Variants in IQCM observed in about 807,000 individuals in gnomAD.
IQCM encodes IQ motif containing M, also known as IQ domain-containing protein M.
IQCM carries 45 observed loss-of-function variants against 57.6 expected under a neutral mutation model. The observed-to-expected ratio is 0.78, with a 90% confidence interval of 0.62 to 1.00. IQCM has a LOEUF of 1.00. Ranked by LOEUF, IQCM falls within the 50% of genes least tolerant of loss-of-function variation. The pLI, the probability that IQCM is intolerant of heterozygous loss-of-function variation, is 0.00. For synonymous variants in IQCM, 148 were observed against 158.9 expected (o/e 0.93, Z 0.51); for missense variants, 468 against 511.6 (o/e 0.91, Z 0.82).
At chr4:149,747,272 T>C (rs1172854157) in intron 2 of IQCM, among the ~76,000 whole-genome samples, 1 of 152,212 alleles carries the variant, frequency 6.6e-6, no homozygotes, top group Non-Finnish European at 1.5e-5. Context: ...TGCAAAGGTA[T>C]ACAGTCATTG....
At chr4:149,790,121 A>T in intron 2 of IQCM, 1 of 673,062 alleles carries the variant, frequency 1.5e-6, no homozygotes, top group African/African-American at 1.9e-5. Context: ...GCCCTTATTT[A>T]CTCTATGGCA....
intron 2 of IQCM, among the ~76,000 whole-genome samples, chr4:149,794,905 T>C (rs1044183964): frequency 6.6e-6 from 1 of 152,116 alleles, no homozygotes; most frequent in African/African-American, 2.4e-5. Context: ...TAAGTGAACA[T>C]ATATTCAACA....
chr4:149,612,188 T>C (rs951239468), intron 8 of IQCM, among the ~76,000 whole-genome samples: 3 of 151,992 alleles, frequency 2.0e-5, no homozygotes, highest in Non-Finnish European at 4.4e-5. Context: ...TCCATTCCCA[T>C]GACTCAATTA....
At chr4:149,689,063 A>T (rs1006701876) in intron 5 of IQCM, among the ~76,000 whole-genome samples, 6 of 152,024 alleles carry the variant, frequency 3.9e-5, no homozygotes, top group Admixed American at 3.9e-4. Flanking sequence ...ATAACCAAGA[A>T]CCCAAAAGCA....
In IQCM at chr4:149,393,205, T is replaced by C. The variant is rs1460157798; in HGVS notation, c.1390+40191A>G. Among the ~76,000 whole-genome samples the C allele has an allele frequency of 2.6e-5, 4 of 151,840 alleles. No individual in the cohort carries two copies. The East Asian group carries it at 7.8e-4, about 29-fold the overall frequency. ...TATATACGCATATATAAATAAATAATAAAATACTATTAAAATATCAGGCAA... is the reference window on the plus strand; with the variant it reads ...TATATACGCATATATAAATAAATAACAAAATACTATTAAAATATCAGGCAA... On this transcript the variant is annotated intron_variant, in intron 13 of 13. Coordinates refer to ENST00000636793, the MANE Select transcript of IQCM (RefSeq NM_001363507.2).
At chr4:149,634,629 A>G (rs929808033) in intron 7 of IQCM, among the ~76,000 whole-genome samples, 3 of 152,226 alleles carry the variant, frequency 2.0e-5, no homozygotes, top group African/African-American at 7.2e-5. Flanking sequence ...TCATTCTGCA[A>G]ACTTATAACA....
chr4:149,368,831 T>TGTATATATACAC (rs1730066333), intron 13 of IQCM, among the ~76,000 whole-genome samples: 1 of 43,802 alleles, frequency 2.3e-5, no homozygotes, highest in Non-Finnish European at 4.4e-5. Context: ...TATATATACA[T>TGTATATATACAC]GTATATATAT....
At chr4:149,393,042 G>A (rs1731973716) in intron 13 of IQCM, among the ~76,000 whole-genome samples, 1 of 151,852 alleles carries the variant, frequency 6.6e-6, no homozygotes, top group African/African-American at 2.4e-5. Context: ...GGGCACAGTG[G>A]CACATGCCTG....
At chr4:149,589,317 C>T (rs568191497) in intron 8 of IQCM, among the ~76,000 whole-genome samples, 1 of 152,050 alleles carries the variant, frequency 6.6e-6, no homozygotes, top group South Asian at 2.1e-4. Flanking sequence ...ATATGGTGTG[C>T]TCATGATACC....
Position 149,742,810 on chromosome 4 carries a change from C to T in IQCM, c.-48-71G>A. ...TTTTTAGCTATTTCTTTTGCTCACTCATAGGTAAATAGGGTGAATGATTAA... is the reference window on the plus strand; with the variant it reads ...TTTTTAGCTATTTCTTTTGCTCACTTATAGGTAAATAGGGTGAATGATTAA... On this transcript the variant is annotated intron_variant, in intron 2 of 13. Transcript: ENST00000636793. 2.9e-6 allele frequency: 2 copies of T among 679,848 alleles called. 1 individual carries two copies. Among genetic ancestry groups the T allele is most frequent in the South Asian group, 1.5e-4 (2 of 12,944 alleles). 42.1% of individuals were successfully genotyped at this position (679,848 alleles called of 1,614,324 possible).
At chr4:149,750,985 A>G (rs1208934228) in intron 2 of IQCM, among the ~76,000 whole-genome samples, 1 of 152,140 alleles carries the variant, frequency 6.6e-6, no homozygotes, top group South Asian at 2.1e-4. Context: ...TTTCTTTTTT[A>G]TCTCTATAAA....
chr4:149,499,003 G>T (rs758695392), intron 12 of IQCM, among the ~76,000 whole-genome samples: 18 of 152,198 alleles, frequency 1.2e-4, no homozygotes, highest in Admixed American at 7.9e-4. Context: ...AAAAATAGAG[G>T]TTCTCCACCA....
At chr4:149,540,507 T>C (rs923454752) in intron 12 of IQCM, among the ~76,000 whole-genome samples, 4 of 151,790 alleles carry the variant, frequency 2.6e-5, no homozygotes, top group Non-Finnish European at 4.4e-5. Context: ...ATAGTAGCAA[T>C]AGAGATTGAC....
chr4:149,787,354 G>GA (rs1323821703), intron 2 of IQCM, among the ~76,000 whole-genome samples: 3 of 151,586 alleles, frequency 2.0e-5, no homozygotes, highest in African/African-American at 4.8e-5. Context: ...CATAGAAATG[G>GA]AAAAAATCCT....
At chr4:149,411,722 A>T (rs1428245993) in intron 13 of IQCM, among the ~76,000 whole-genome samples, 1 of 152,166 alleles carries the variant, frequency 6.6e-6, no homozygotes, top group East Asian at 1.9e-4. Flanking sequence ...AAAATGACTG[A>T]CAATTATTAG....
intron 6 of IQCM, 124 bp from the exon 7 acceptor site, chr4:149,682,330 C>G (rs994279556): frequency 5.0e-6 from 2 of 397,098 alleles, no homozygotes; most frequent in African/African-American, 2.1e-5. Flanking sequence ...GTCAACAGGA[C>G]TACACCTGTT....
intron 10 of IQCM, among the ~76,000 whole-genome samples, chr4:149,554,686 T>C (rs187699607): frequency 7.2e-5 from 9 of 125,420 alleles, no homozygotes; most frequent in Non-Finnish European, 1.3e-4. Context: ...TACACATTAA[T>C]TTTTTCTTTT....
intron 13 of IQCM, among the ~76,000 whole-genome samples, chr4:149,374,107 G>A (rs571105224): frequency 6.6e-6 from 1 of 152,148 alleles, no homozygotes; most frequent in Admixed American, 6.6e-5. Context: ...CCCCACCTGG[G>A]GTATGTTCTT....
At chr4:149,538,037 TATATACATTTGCA>T (rs1295815677) in intron 12 of IQCM, among the ~76,000 whole-genome samples, 7 of 151,358 alleles carry the variant, frequency 4.6e-5, no homozygotes, top group African/African-American at 7.3e-5. Flanking sequence ...TATGAATATA[TATATACATTTGCA>T]ATATACATTT....
Sources: allele counts gnomAD v4.1 joint callset (sites outside exome capture counted in the v4.1 genomes callset), GRCh38; gene constraint gnomAD v4.1.1; transcripts MANE v1.5; gene names NCBI Gene and HGNC (gene_info 2026-07-23, HGNC 2026-07-21).